ZNF69: variants seen among roughly 807,000 people sequenced by gnomAD.
ZNF69 encodes the protein ZNF3.
A neutral mutation model predicts 50.9 loss-of-function variants in ZNF69; 47 were observed. The ratio of observed to expected loss-of-function variants is 0.92; its 90% confidence interval spans 0.73 to 1.18. The LOEUF (loss-of-function observed/expected upper bound fraction) is 1.18. Ranked by LOEUF, ZNF69 falls within the 50% of genes most tolerant of loss-of-function variation. The pLI, the probability that ZNF69 is intolerant of heterozygous loss-of-function variation, is 0.00. For missense variants in ZNF69, 717 were observed against 675.1 expected (o/e 1.06, Z -0.69); for synonymous variants, 216 against 223.1 (o/e 0.97, Z 0.29).
At chr19:11,950,305 G>A in the ZNF69 span, 1 of 1,558,378 alleles carries the variant, frequency 6.4e-7, no homozygotes, top group South Asian at 1.2e-5. Context: ...GAAGCACTAT[G>A]AATGCAAGCA....
At chr19:11,948,476 A>G in the ZNF69 span, 4 of 1,614,164 alleles carry the variant, frequency 2.5e-6, no homozygotes, top group Non-Finnish European at 3.4e-6. Context: ...GACACTGGAC[A>G]CAAGGCATAT....
chr19:11,941,368 C>CG, the ZNF69 span, among the ~76,000 whole-genome samples: 6 of 152,144 alleles, frequency 3.9e-5, no homozygotes, highest in African/African-American at 1.4e-4. Flanking sequence ...CGGGGAGGCT[C>CG]GGGCCGCACA....
chr19:11,972,643 C>T, the ZNF69 span, among the ~76,000 whole-genome samples: 5 of 152,258 alleles, frequency 3.3e-5, no homozygotes, highest in South Asian at 1.0e-3. Context: ...TGGATTTTAA[C>T]TCAGTTATGA....
chr19:11,912,570 C>A (rs750649875), intron 4 of ZNF69, among the ~76,000 whole-genome samples: 1 of 151,978 alleles, frequency 6.6e-6, no homozygotes, highest in Non-Finnish European at 1.5e-5. Context: ...TCTTCCACTT[C>A]TTTTCAATAT....
At chr19:11,915,288 T>C (rs926772291), downstream of ZNF69, among the ~76,000 whole-genome samples, 6 of 152,220 alleles carry the variant, frequency 3.9e-5, no homozygotes, top group Admixed American at 1.3e-4. Flanking sequence ...TACACCCTGA[T>C]ACTTTTCACC....
the ZNF69 span, chr19:11,924,999 T>A: frequency 2.0e-6 from 1 of 505,470 alleles, no homozygotes; most frequent in South Asian, 2.1e-5. Flanking sequence ...TACCCAGGGC[T>A]TCAGCTGTCA....
downstream of ZNF69, among the ~76,000 whole-genome samples, chr19:11,907,829 C>A (rs1358060008): frequency 6.6e-6 from 1 of 152,126 alleles, no homozygotes; most frequent in South Asian, 2.1e-4. Context: ...ACAATATTAA[C>A]CTTCAATGTA....
chr19:11,925,023 G>A, the ZNF69 span: 1 of 560,342 alleles, frequency 1.8e-6, no homozygotes, highest in East Asian at 3.7e-5. Context: ...AGATGTGGGG[G>A]GCGGGACCTA....
the ZNF69 span, chr19:11,948,372 G>A: frequency 6.2e-7 from 1 of 1,614,010 alleles, no homozygotes; most frequent in Non-Finnish European, 8.5e-7. Context: ...ACTTCCAGGA[G>A]AAGAAAGCTT....
intron 1 of ZNF69, among the ~76,000 whole-genome samples, chr19:11,899,806 C>A (rs930890510): frequency 4.0e-4 from 61 of 152,146 alleles, no homozygotes; most frequent in Non-Finnish European, 7.9e-4. Context: ...TTCTTCAGAG[C>A]TCCACAGACT....
At chr19:11,978,754 C>G in the ZNF69 span, 1 of 1,613,956 alleles carries the variant, frequency 6.2e-7, no homozygotes, top group South Asian at 1.1e-5. Context: ...CATAAAAGAA[C>G]CCACACTGGG....
the ZNF69 span, chr19:11,965,316 T>C: frequency 9.9e-6 from 15 of 1,514,256 alleles, no homozygotes; most frequent in Non-Finnish European, 1.3e-5. Flanking sequence ...GACTCCAGGG[T>C]CTGGGACCGA....
chr19:11,942,614 T>G, the ZNF69 span, among the ~76,000 whole-genome samples: 1 of 152,164 alleles, frequency 6.6e-6, no homozygotes, highest in African/African-American at 2.4e-5. Flanking sequence ...TACACAGGGA[T>G]CCACATGAAA....
chr19:11,963,744 T>C, the ZNF69 span, among the ~76,000 whole-genome samples: 4 of 152,032 alleles, frequency 2.6e-5, no homozygotes, highest in South Asian at 2.1e-4. Context: ...GGAGCCCCCA[T>C]CTCTGCTCTC....
the ZNF69 span, among the ~76,000 whole-genome samples, chr19:11,931,751 A>T: frequency 6.8e-6 from 1 of 148,020 alleles, no homozygotes; most frequent in African/African-American, 2.6e-5. Flanking sequence ...GATGTTTTTC[A>T]GTATAAACTT....
At position 11,913,589 on chromosome 19, in the gene ZNF69, C is replaced by T. The variant is rs949897011; in HGVS notation, c.*179C>T. ...ATTTTTTAGTAGAGACAGGGTTTCACCATATTGGCCAGGCTGGTCTTGAAC... is the reference window on the plus strand; with the variant it reads ...ATTTTTTAGTAGAGACAGGGTTTCATCATATTGGCCAGGCTGGTCTTGAAC... On this transcript the variant is annotated 3_prime_UTR_variant, in exon 5 of 5. Coordinates refer to the ZNF69 transcript ENST00000340180. The T allele has an allele frequency of 8.7e-5, 29 of 334,944 alleles. 1 individual carries two copies. In the East Asian group the frequency reaches 1.3e-3, roughly 15 times the overall value. The allele number at this position is 334,944 out of a possible 1,614,324, so 20.7% of individuals were successfully genotyped here. A position where few individuals can be genotyped will look rare whatever the true frequency, so the allele number is the denominator to read the frequency against.
the ZNF69 span, chr19:11,979,623 C>A: frequency 6.2e-7 from 1 of 1,605,844 alleles, no homozygotes; most frequent in Non-Finnish European, 8.5e-7. Flanking sequence ...GGAGAGAAAC[C>A]CTATGAGTGT....
chr19:11,918,528 C>T (rs1372586925), downstream of ZNF69, among the ~76,000 whole-genome samples: 1 of 152,134 alleles, frequency 6.6e-6, no homozygotes, highest in Admixed American at 6.6e-5. Context: ...TGCTCTGTAG[C>T]CCAGCTGGAG....
chr19:11,978,835 G>T, the ZNF69 span: 2 of 1,614,170 alleles, frequency 1.2e-6, no homozygotes, highest in East Asian at 2.2e-5. Flanking sequence ...ATACATGAAA[G>T]AACTCACACT....
Sources: gnomAD v4.1 joint callset for allele counts (sites outside exome capture counted in the v4.1 genomes callset) on GRCh38, gnomAD v4.1.1 for gene constraint, MANE v1.5 for transcripts, NCBI Gene and HGNC (gene_info 2026-07-23, HGNC 2026-07-21) for gene names.